The following ENTHD1 variants were observed in gnomAD, a reference collection of about 807,000 sequenced individuals.
ENTHD1 encodes ENTH domain containing 1.
Under a neutral mutation model 39.1 loss-of-function variants are expected in ENTHD1, and 23 were observed. The ratio of observed to expected loss-of-function variants is 0.59; its 90% CI spans 0.42 to 0.83. The LOEUF is 0.83. Among genes scored for constraint, ENTHD1 ranks in the 40% least tolerant of loss-of-function variants. The pLI is 0.00. For missense variants in ENTHD1, 624 were observed against 705.4 expected (o/e 0.88, Z 1.31); for synonymous variants, 230 against 258.2 (o/e 0.89, Z 1.05).
chr22:39,801,886 T>C (rs1020368251), intron 5 of ENTHD1, among the ~76,000 whole-genome samples: 5 of 152,062 alleles, frequency 3.3e-5, no homozygotes, highest in Admixed American at 6.6e-5. Flanking sequence ...GAAAGCACAG[T>C]TAACATTTTT....
At chr22:39,891,415 T>C (rs1301208854) in intron 1 of ENTHD1, among the ~76,000 whole-genome samples, 1 of 152,114 alleles carries the variant, frequency 6.6e-6, no homozygotes, top group Non-Finnish European at 1.5e-5. Context: ...AACACAATGA[T>C]TGAATGATTC....
intron 2 of ENTHD1, among the ~76,000 whole-genome samples, chr22:39,866,194 G>C (rs1372788479): frequency 6.6e-6 from 1 of 152,180 alleles, no homozygotes; most frequent in East Asian, 1.9e-4. Context: ...CAGCCAACTT[G>C]AGGAGTCCTC....
intron 5 of ENTHD1, among the ~76,000 whole-genome samples, chr22:39,781,160 C>G (rs1870039895): frequency 6.6e-6 from 1 of 152,134 alleles, no homozygotes; most frequent in Non-Finnish European, 1.5e-5. Context: ...CCTAACAGGC[C>G]TAACTGACAT....
chr22:39,776,451 C>T (rs1241403510), intron 5 of ENTHD1, among the ~76,000 whole-genome samples: 2 of 152,054 alleles, frequency 1.3e-5, no homozygotes. Context: ...GACAGGAAGC[C>T]CAGTATTGAA....
chr22:39,791,278 G>T (rs956378835), intron 5 of ENTHD1, among the ~76,000 whole-genome samples: 4 of 147,474 alleles, frequency 2.7e-5, no homozygotes, highest in Non-Finnish European at 4.5e-5. Context: ...ACTATATATA[G>T]TTTTAGACTA....
chr22:39,843,812 G>A (rs921645840), intron 3 of ENTHD1, among the ~76,000 whole-genome samples: 7 of 152,120 alleles, frequency 4.6e-5, no homozygotes, highest in Non-Finnish European at 7.4e-5. Flanking sequence ...GACCTTGAAC[G>A]AAGAGGCTGT....
At chr22:39,772,584 C>A (rs1431927974) in intron 5 of ENTHD1, among the ~76,000 whole-genome samples, 1 of 152,030 alleles carries the variant, frequency 6.6e-6, no homozygotes, top group Non-Finnish European at 1.5e-5. Flanking sequence ...TAGGTAGGAA[C>A]AGAGGAACCA....
intron 4 of ENTHD1, among the ~76,000 whole-genome samples, chr22:39,828,195 T>C (rs1372189669): frequency 5.9e-5 from 9 of 152,012 alleles, no homozygotes; most frequent in African/African-American, 2.2e-4. Flanking sequence ...ACTGCTGGAG[T>C]TGCCTCTGGG....
intron 1 of ENTHD1, among the ~76,000 whole-genome samples, chr22:39,891,628 T>A (rs2066427850): frequency 6.6e-6 from 1 of 151,368 alleles, no homozygotes; most frequent in Admixed American, 6.6e-5. Context: ...AAATTTTATT[T>A]TTTTTTTTGA....
At chr22:39,871,018 G>T (rs747368039) in intron 2 of ENTHD1, among the ~76,000 whole-genome samples, 2 of 151,540 alleles carry the variant, frequency 1.3e-5, no homozygotes, top group Non-Finnish European at 2.9e-5. Flanking sequence ...ACATTAAAAA[G>T]AAAGAAAGAA....
chr22:39,849,277 C>G (rs983218740), intron 3 of ENTHD1, among the ~76,000 whole-genome samples: 1 of 152,170 alleles, frequency 6.6e-6, no homozygotes, highest in Non-Finnish European at 1.5e-5. Context: ...ATCAGCGGTT[C>G]TCTACTGGGA....
intron 3 of ENTHD1, among the ~76,000 whole-genome samples, chr22:39,860,655 A>G (rs1469026985): frequency 6.6e-6 from 1 of 152,228 alleles, no homozygotes; most frequent in Non-Finnish European, 1.5e-5. Flanking sequence ...TGGTATTACT[A>G]GTAACATTGT....
intron 5 of ENTHD1, among the ~76,000 whole-genome samples, chr22:39,771,521 C>T (rs1278273438): frequency 6.6e-6 from 1 of 152,044 alleles, no homozygotes; most frequent in African/African-American, 2.4e-5. Context: ...TCAGAGAAAA[C>T]CATACCTGTT....
Position 39,867,662 on chromosome 22 carries a change from G to A in ENTHD1, c.350-5655C>T, listed in dbSNP as rs371883707. Among the ~76,000 whole-genome samples, 2 of 152,178 alleles carry A rather than the reference G, an allele frequency of 1.3e-5. No homozygotes were observed. Among genetic ancestry groups the A allele is most frequent in the East Asian group, 1.9e-4 (1 of 5,166 alleles). ...AATGCCTTCAGGTAACGCGGTGGGG[G>A]TAGAAAGGGAGGGGAGAAGTATCTA... On this transcript the variant is annotated intron_variant, in intron 2 of 6. Coordinates refer to ENST00000325157, the MANE Select transcript of ENTHD1 (RefSeq NM_152512.4). This position sits in a 1 kb window ranked among gnomAD's most constrained non-coding sequence, Gnocchi z 4.5.
At chr22:39,849,842 T>C (rs2066021050) in intron 3 of ENTHD1, among the ~76,000 whole-genome samples, 1 of 152,196 alleles carries the variant, frequency 6.6e-6, no homozygotes. Context: ...TGCTCGTTTC[T>C]TCCATTTTGA....
intron 2 of ENTHD1, among the ~76,000 whole-genome samples, chr22:39,884,006 T>G (rs1235068827): frequency 6.6e-6 from 1 of 152,078 alleles, no homozygotes; most frequent in Non-Finnish European, 1.5e-5. Flanking sequence ...GAAAGACTTG[T>G]ACCCTGAAAA....
At chr22:39,850,714 T>G (rs2066028669) in intron 3 of ENTHD1, among the ~76,000 whole-genome samples, 1 of 152,210 alleles carries the variant, frequency 6.6e-6, no homozygotes, top group African/African-American at 2.4e-5. Context: ...CTTGAAAGTT[T>G]ATCATGCACG....
At chr22:39,794,759 G>A (rs1038339477) in intron 5 of ENTHD1, among the ~76,000 whole-genome samples, 6 of 150,340 alleles carry the variant, frequency 4.0e-5, no homozygotes, top group East Asian at 2.0e-4. Context: ...AGCCAAGATC[G>A]TGCCACTGCA....
intron 5 of ENTHD1, among the ~76,000 whole-genome samples, chr22:39,798,849 T>C (rs771935119): frequency 4.6e-5 from 7 of 151,998 alleles, no homozygotes; most frequent in Non-Finnish European, 8.8e-5. Flanking sequence ...CAAAGTGGTA[T>C]GTATTGATGT....
Sources: allele counts gnomAD v4.1 joint callset (sites outside exome capture counted in the v4.1 genomes callset), GRCh38; gene constraint gnomAD v4.1.1; non-coding constraint Gnocchi (gnomAD v3.1); transcripts MANE v1.5; gene names NCBI Gene and HGNC (gene_info 2026-07-23, HGNC 2026-07-21).